Variants in SCUBE1 observed in about 807,000 individuals in gnomAD.
SCUBE1 encodes the protein signal peptide, CUB domain and EGF like domain containing 1.
In SCUBE1, 59 loss-of-function variants were observed where a neutral mutation model predicts 124.4. That is an observed-to-expected ratio of 0.47 (90% CI 0.38 to 0.59). SCUBE1 has a LOEUF of 0.59. Ranked by LOEUF, SCUBE1 falls within the 20% of genes least tolerant of loss-of-function variation. The pLI, the probability that SCUBE1 is intolerant of heterozygous loss-of-function variation, is 0.00. For synonymous variants in SCUBE1, 545 were observed against 550.9 expected (o/e 0.99, Z 0.15); for missense variants, 1,150 against 1,371.2 (o/e 0.84, Z 2.55).
intron 4 of SCUBE1, among the ~76,000 whole-genome samples, chr22:43,285,003 G>T (rs1436432723): frequency 6.6e-6 from 1 of 152,152 alleles, no homozygotes; most frequent in Non-Finnish European, 1.5e-5. Flanking sequence ...AACTCCGAAC[G>T]TTAACCAGAA....
intron 6 of SCUBE1, among the ~76,000 whole-genome samples, chr22:43,253,081 C>T (rs1302019311): frequency 1.4e-5 from 2 of 147,876 alleles, no homozygotes; most frequent in African/African-American, 5.2e-5. Flanking sequence ...GGTCACCTCC[C>T]TACCTAAGTC....
intron 4 of SCUBE1, among the ~76,000 whole-genome samples, chr22:43,278,960 G>T: frequency 6.6e-6 from 1 of 152,164 alleles, no homozygotes; most frequent in Non-Finnish European, 1.5e-5. Context: ...AGACAGGTTT[G>T]GGGGAAGGAC....
chr22:43,293,216 C>G (rs560215278), intron 3 of SCUBE1, among the ~76,000 whole-genome samples: 1 of 152,268 alleles, frequency 6.6e-6, no homozygotes, highest in Non-Finnish European at 1.5e-5. Flanking sequence ...ATCCTGCTAA[C>G]AACACAAAGC....
intron 2 of SCUBE1, among the ~76,000 whole-genome samples, chr22:43,329,177 G>A (rs1309928038): frequency 6.6e-6 from 1 of 152,250 alleles, no homozygotes; most frequent in Non-Finnish European, 1.5e-5. Flanking sequence ...CCAGCCTGGA[G>A]CGGGGAATGA....
intron 6 of SCUBE1, among the ~76,000 whole-genome samples, chr22:43,242,475 C>T (rs1923044818): frequency 6.6e-6 from 1 of 152,208 alleles, no homozygotes; most frequent in African/African-American, 2.4e-5. Flanking sequence ...GGCATCTCTG[C>T]CCGGTGGGGA....
chr22:43,218,433 C>T lies in SCUBE1; in HGVS notation c.1713G>A (p.Arg571=), dbSNP rs1333665245. 3.7e-6 allele frequency: 6 copies of T among 1,612,588 alleles called. No homozygotes were observed. Among genetic ancestry groups the T allele is most frequent in the Non-Finnish European group, 5.1e-6 (6 of 1,180,042 alleles). Residue 571 remains arginine, a synonymous_variant, in exon 15 of 22, where the codon CGG becomes CGA. Transcript: ENST00000360835. ...ASDTCEADCL[R]KRAEQSLQAA... ...CCTGCAGGCTCTGTTCTGCTCGCTT[C>T]CGCAAGCAGTCCGCTTCGCATGTGT... is the stretch of plus-strand genomic sequence containing the variant.
At chr22:43,280,797 A>C (rs1924784701) in intron 4 of SCUBE1, among the ~76,000 whole-genome samples, 4 of 99,116 alleles carry the variant, frequency 4.0e-5, no homozygotes, top group South Asian at 3.7e-4. Flanking sequence ...CTCCTCAGCT[A>C]CCCTGTCACC....
rs138037387 is a variant in SCUBE1 at position 43,290,250 on chromosome 22, C to G, written c.484+796G>C. Among the ~76,000 whole-genome samples the G allele has an allele frequency of 4.2e-3, 642 of 152,312 alleles. 7 individuals are homozygous for G. The highest frequency in any genetic ancestry group is 0.015 in the African/African-American group (609 of 41,560). Reference sequence around the variant, plus strand: ...ATGTGTCCTGGCTCTCTCCTCCAAGCACATGTGTCCTGGCCCTCTCCTCCA... The same window carrying G: ...ATGTGTCCTGGCTCTCTCCTCCAAGGACATGTGTCCTGGCCCTCTCCTCCA... On this transcript the variant is annotated intron_variant, in intron 4 of 21. Coordinates refer to ENST00000360835, the MANE Select transcript of SCUBE1 (RefSeq NM_173050.5).
At chr22:43,204,591 G>A (rs1049328575) in intron 21 of SCUBE1, among the ~76,000 whole-genome samples, 3 of 151,766 alleles carry the variant, frequency 2.0e-5, no homozygotes, top group Non-Finnish European at 2.9e-5. Flanking sequence ...GAGCCACGGC[G>A]CCTGGCCCGT....
chr22:43,212,930 GGGCT>G (rs1921633121), intron 16 of SCUBE1, among the ~76,000 whole-genome samples: 1 of 152,134 alleles, frequency 6.6e-6, no homozygotes, highest in African/African-American at 2.4e-5. Context: ...TGTCTCAGAG[GGGCT>G]GTCCCCGGGG....
intron 6 of SCUBE1, among the ~76,000 whole-genome samples, chr22:43,242,454 G>T (rs540779774): frequency 7.9e-5 from 12 of 152,352 alleles, no homozygotes; most frequent in Non-Finnish European, 1.5e-4. Context: ...GGGCCCCGAG[G>T]CTGCGGCAGT....
At chr22:43,338,483 T>G (rs1927158576) in intron 2 of SCUBE1, among the ~76,000 whole-genome samples, 1 of 152,204 alleles carries the variant, frequency 6.6e-6, no homozygotes, top group South Asian at 2.1e-4. Context: ...CAAGGACAGA[T>G]GCACAAATAC....
intron 3 of SCUBE1, among the ~76,000 whole-genome samples, chr22:43,313,551 T>C (rs1175990779): frequency 2.0e-5 from 3 of 152,242 alleles, no homozygotes; most frequent in Non-Finnish European, 4.4e-5. Context: ...GCATGGAGTT[T>C]GGAATAATAT....
chr22:43,274,831 A>G lies in SCUBE1; in HGVS notation c.485-11986T>C, dbSNP rs3747198. ...GGCTGCGTCACAAGCAGTGGCGCTC[A>G]CTTCCTCTCCCTCAGCTGTGCATGA... is the stretch of plus-strand genomic sequence containing the variant. On this transcript the variant is annotated intron_variant, in intron 4 of 21. Transcript: ENST00000360835. Among the ~76,000 whole-genome samples the G allele has an allele frequency of 6.0e-4, 92 of 152,228 alleles. 2 individuals carry two copies. In the East Asian group the frequency reaches 0.016, roughly 27 times the overall value.
At chr22:43,303,293 C>T (rs1404782534) in intron 3 of SCUBE1, among the ~76,000 whole-genome samples, 3 of 152,254 alleles carry the variant, frequency 2.0e-5, no homozygotes, top group Non-Finnish European at 4.4e-5. Context: ...TGAGCGTGAG[C>T]GTCCTTGGCA....
chr22:43,316,022 C>G (rs569622561), intron 3 of SCUBE1, among the ~76,000 whole-genome samples: 31 of 152,282 alleles, frequency 2.0e-4, no homozygotes, highest in Non-Finnish European at 3.8e-4. Flanking sequence ...ATGGTGGGGA[C>G]TGGTCCCCAC....
rs568990100 is a variant in SCUBE1, at chr22:43,222,341, T to C, written c.1432+297A>G. 5.3e-5 allele frequency among the ~76,000 whole-genome samples: 8 copies of C among 152,296 alleles called. 2 individuals carry two copies. Among genetic ancestry groups the C allele is most frequent in the African/African-American group, 1.9e-4 (8 of 41,574 alleles). On this transcript the variant is annotated intron_variant, in intron 12 of 21. Transcript: ENST00000360835. Reference sequence around the variant, plus strand: ...CAGCAGATGTGGCTTGCTCCACCCATACAGTCTGAGATCTGTGCACTCACA... The same window carrying C: ...CAGCAGATGTGGCTTGCTCCACCCACACAGTCTGAGATCTGTGCACTCACA...
At chr22:43,233,874 G>A (rs772720307) in intron 7 of SCUBE1, among the ~76,000 whole-genome samples, 13 of 151,966 alleles carry the variant, frequency 8.6e-5, no homozygotes, top group African/African-American at 4.8e-5. Flanking sequence ...AGGGCTGGAT[G>A]CCCACATGGC....
At chr22:43,304,518 G>C (rs781442416) in intron 3 of SCUBE1, among the ~76,000 whole-genome samples, 5 of 55,840 alleles carry the variant, frequency 9.0e-5, no homozygotes, top group Admixed American at 4.6e-4. Context: ...CCCAGGCAGA[G>C]AGCGTCTCTC....
Sources: gnomAD v4.1 joint callset for allele counts (sites outside exome capture counted in the v4.1 genomes callset) on GRCh38, gnomAD v4.1.1 for gene constraint, MANE v1.5 for transcripts, NCBI Gene and HGNC (gene_info 2026-07-23, HGNC 2026-07-21) for gene names.